TLE6: variants seen among roughly 807,000 people sequenced by gnomAD.
TLE6 encodes the protein TLE family member 6, subcortical maternal complex member, also known as transducin-like enhancer protein 6.
Under a neutral mutation model 77.1 loss-of-function variants are expected in TLE6, and 72 were observed. The observed-to-expected ratio is 0.93, with a 90% CI of 0.77 to 1.14. TLE6 has a LOEUF of 1.14. Among genes scored for constraint, TLE6 ranks in the 50% most tolerant of loss-of-function variants. TLE6 has a pLI of 0.00. For synonymous variants in TLE6, 366 were observed against 287.3 expected, an observed-to-expected ratio of 1.27 and a Z score of -2.77; for missense variants, 843 against 747.6, an observed-to-expected ratio of 1.13 and a Z score of -1.49.
At chr19:2,984,445 TAAGAG>T (rs2088866986) in intron 5 of TLE6, 1 of 151,936 alleles carries the variant, frequency 6.6e-6, no homozygotes, top group Admixed American at 6.6e-5. Flanking sequence ...GAAAAAAACT[TAAGAG>T]ATAGGATCAC....
chr19:2,994,232 T>G (rs118046398), intron 16 of TLE6, 137 bp downstream of exon 16: 1 of 689,006 alleles, frequency 1.5e-6, no homozygotes, highest in East Asian at 2.8e-5. Context: ...TCCCAGCATT[T>G]TGGGAGGCTG....
At chr19:2,987,274 C>A in intron 7 of TLE6, 36 bp downstream of exon 7, 1 of 1,614,146 alleles carries the variant, frequency 6.2e-7, no homozygotes, top group South Asian at 1.1e-5. Context: ...AAGGGGCAGC[C>A]ACAGGCTGCG....
At position 2,988,076 on chromosome 19, in the gene TLE6, C is replaced by T. The variant is rs762634336; in HGVS notation, c.703-15C>T. ...CGGGGAGGCTGGGGGCAGCTGTGATCTCCCCCGCCTGCAGGAGCCTCCTGG... is the reference window on the plus strand; with the variant it reads ...CGGGGAGGCTGGGGGCAGCTGTGATTTCCCCCGCCTGCAGGAGCCTCCTGG... On this transcript the variant is annotated splice_polypyrimidine_tract_variant and intron_variant, in intron 10 of 16. Transcript: ENST00000246112. The T allele has an allele frequency of 1.3e-6, 2 of 1,552,744 alleles. No homozygotes were observed. The highest frequency in any genetic ancestry group is 1.2e-5 in the South Asian group (1 of 84,384).
chr19:2,988,687 G>A (rs183518243), intron 11 of TLE6, among the ~76,000 whole-genome samples: 3 of 152,244 alleles, frequency 2.0e-5, no homozygotes, highest in East Asian at 1.9e-4. Flanking sequence ...AAGGGGATGG[G>A]GTGTAGCTGT....
At chr19:2,991,061 C>CAT (rs1568217714) in intron 13 of TLE6, among the ~76,000 whole-genome samples, 3 of 149,170 alleles carry the variant, frequency 2.0e-5, no homozygotes, top group African/African-American at 7.5e-5. Context: ...TACACACACA[C>CAT]ATATTAAATA....
intron 5 of TLE6, chr19:2,984,410 G>A (rs1341221765): frequency 6.6e-6 from 1 of 151,908 alleles, no homozygotes; most frequent in Non-Finnish European, 1.5e-5. Context: ...TCCTGCTAAG[G>A]AAACAGACAG....
rs471344 is a variant in TLE6 at position 2,993,309 on chromosome 19, G to T, written c.1387-123G>T. On this transcript the variant is annotated intron_variant, in intron 14 of 16. Coordinates refer to ENST00000246112, the MANE Select transcript of TLE6 (RefSeq NM_001143986.2). ...ACAGATACGAAGTTGCTTGTCCCAG[G>T]GCTGCACAGCTAGGAAGGGGTCAGT... 5.7e-3 allele frequency: 5,770 copies of T among 1,018,298 alleles called. 234 individuals are homozygous for T. The African/African-American group carries it at 0.088, about 16-fold the overall frequency. 63.1% of individuals were successfully genotyped at this position (1,018,298 alleles called of 1,614,324 possible). A position where few individuals can be genotyped will look rare whatever the true frequency, so the allele number is the denominator to read the frequency against.
intron 13 of TLE6, among the ~76,000 whole-genome samples, chr19:2,991,091 T>C (rs2089044863): frequency 6.7e-6 from 1 of 149,516 alleles, no homozygotes; most frequent in Non-Finnish European, 1.5e-5. Context: ...AGGCTGGGCA[T>C]GGTGGCTCAT....
chr19:2,982,247 A>G, intron 5 of TLE6, 58 bp downstream of exon 5: 1 of 1,539,430 alleles, frequency 6.5e-7, no homozygotes, highest in Admixed American at 2.0e-5. Flanking sequence ...ATGAGAAAGC[A>G]CAGAGGGGGG....
chr19:2,987,845 C>A (rs2088950809), intron 9 of TLE6, 53 bp from the exon 10 acceptor site: 1 of 1,613,652 alleles, frequency 6.2e-7, no homozygotes, highest in African/African-American at 1.3e-5. Flanking sequence ...GTGGGGGCAT[C>A]CTGTGCTGAG....
At chr19:2,985,972 G>C (rs1003979438) in intron 5 of TLE6, among the ~76,000 whole-genome samples, 3 of 146,228 alleles carry the variant, frequency 2.1e-5, no homozygotes, top group African/African-American at 7.5e-5. Flanking sequence ...TACTTGGGAG[G>C]CTGAGGCAGG....
At chr19:2,983,139 G>T (rs940924545) in intron 5 of TLE6, among the ~76,000 whole-genome samples, 3 of 152,230 alleles carry the variant, frequency 2.0e-5, no homozygotes, top group African/African-American at 7.2e-5. Context: ...AGCAGGGCCT[G>T]GGAGGAGGGG....
rs987453439 is a variant in TLE6, at chr19:2,977,576, G to C, written c.-71G>C. 1 of 152,550 alleles carries C rather than the reference G, an allele frequency of 6.6e-6. No homozygotes were observed. Among genetic ancestry groups the C allele is most frequent in the Non-Finnish European group, 1.5e-5 (1 of 68,324 alleles). The allele number at this position is 152,550 out of a possible 1,614,324, so 9.4% of individuals were successfully genotyped here. On this transcript the variant is annotated 5_prime_UTR_variant, in exon 1 of 17. Coordinates refer to ENST00000246112, the MANE Select transcript of TLE6 (RefSeq NM_001143986.2). ...TGGGGGAAGGAGGAGTTTCCTCTTG[G>C]CCTGAACTTGGCTGACCTCCGCAGC... is the stretch of plus-strand genomic sequence containing the variant.
At chr19:2,991,385 T>A (rs868358781) in intron 13 of TLE6, among the ~76,000 whole-genome samples, 1 of 108,540 alleles carries the variant, frequency 9.2e-6, no homozygotes, top group Non-Finnish European at 1.8e-5. Context: ...CGTATATATA[T>A]ATATATATAT....
intron 5 of TLE6, among the ~76,000 whole-genome samples, chr19:2,985,399 C>CTTTTTTT (rs1158204473): frequency 0.013 from 1,141 of 89,990 alleles, 89 homozygotes; most frequent in African/African-American, 0.028. Context: ...TGCTTGAAGC[C>CTTTTTTT]TTTTTTTTTT....
At chr19:2,982,876 G>C (rs1195825223) in intron 5 of TLE6, among the ~76,000 whole-genome samples, 1 of 152,180 alleles carries the variant, frequency 6.6e-6, no homozygotes, top group East Asian at 1.9e-4. Context: ...TGATGGGGCA[G>C]GCACCCGGCT....
intron 5 of TLE6, among the ~76,000 whole-genome samples, chr19:2,983,128 TAGC>T (rs909435058): frequency 2.6e-5 from 4 of 151,982 alleles, no homozygotes; most frequent in African/African-American, 9.7e-5. Context: ...GTCTGCAACT[TAGC>T]AGGGCCTGGG....
Position 2,981,570 on chromosome 19 carries a change from G to T in TLE6, c.167G>T (p.Ser56Ile). Residue 56 changes from serine to isoleucine, a missense_variant, in exon 4 of 17, where the codon AGC (serine) becomes ATC (isoleucine). Coordinates refer to ENST00000246112, the MANE Select transcript of TLE6 (RefSeq NM_001143986.2). ...CCTCATTTTGCTGCGGAGTTGGAGA[G>T]CATTTACTACTCGGTGAGCCAGACC... ...FSPHFAAELE[S>I]IYYSLHKIQQ... 6.4e-7 allele frequency: 1 copy of T among 1,551,568 alleles called. No individual in the cohort carries two copies. The highest frequency in any genetic ancestry group is 1.2e-5 in the South Asian group (1 of 84,058).
Position 2,993,968 on chromosome 19 carries a change from GA to G in TLE6, c.1538-49del, listed in dbSNP as rs781151030. 2.1e-6 allele frequency: 3 copies of G among 1,418,444 alleles called. No homozygotes were observed. In the South Asian group the frequency reaches 3.7e-5, roughly 17 times the overall value. 87.9% of individuals were successfully genotyped at this position (1,418,444 alleles called of 1,614,324 possible). ...GGTGGGTGGGGAGGATGAACTCTGG[GA>G]AGGAAAAAGGTAGTGGTTCTAAGTC... On this transcript the variant is annotated intron_variant, in intron 15 of 16. Transcript: ENST00000246112.
Sources: allele counts gnomAD v4.1 joint callset (sites outside exome capture counted in the v4.1 genomes callset), GRCh38; gene constraint gnomAD v4.1.1; transcripts MANE v1.5; gene names NCBI Gene and HGNC (gene_info 2026-07-23, HGNC 2026-07-21).